HTRA1: variants seen among roughly 807,000 people sequenced by gnomAD.
HTRA1 encodes HtrA serine peptidase 1, also known as serine protease HTRA1.
Under a neutral mutation model 49.7 loss-of-function variants are expected in HTRA1, and 26 were observed. The observed-to-expected ratio is 0.52, with a 90% CI of 0.38 to 0.73. The LOEUF (loss-of-function observed/expected upper bound fraction) is 0.73. Ranked by LOEUF, HTRA1 falls within the 30% of genes least tolerant of loss-of-function variation. The pLI, the probability that HTRA1 is intolerant of heterozygous loss-of-function variation, is 0.00. For missense variants in HTRA1, 561 were observed against 667.2 expected (o/e 0.84, Z 1.75); for synonymous variants, 291 against 286.9 (o/e 1.01, Z -0.14).
chr10:122,461,895 C>G lies in HTRA1; in HGVS notation c.243C>G (p.Gly81=). ...PEGAACGLQE[G]PCGEGLQCVV... ...GCGCCGCGTGCGGCCTGCAGGAGGG[C>G]CCGTGCGGCGAGGGGCTGCAGTGCG... The change falls in exon 1 of 9, where the codon GGC becomes GGG. Residue 81 remains glycine, a synonymous_variant. Transcript: ENST00000368984. The G allele has an allele frequency of 7.3e-7, 1 of 1,378,872 alleles. No individual in the cohort carries two copies. The highest frequency in any genetic ancestry group is 9.3e-7 in the Non-Finnish European group (1 of 1,070,846). The allele number at this position is 1,378,872 out of a possible 1,614,324, so 85.4% of individuals were successfully genotyped here. A position where few individuals can be genotyped will look rare whatever the true frequency, so the allele number is the denominator to read the frequency against.
intron 1 of HTRA1, among the ~76,000 whole-genome samples, chr10:122,482,941 A>AT: frequency 7.2e-6 from 1 of 139,592 alleles, no homozygotes; most frequent in Admixed American, 7.3e-5. Context: ...AAAAAAAAAA[A>AT]GCACATATTC....
At chr10:122,507,058 C>T (rs896507288) in intron 4 of HTRA1, among the ~76,000 whole-genome samples, 173 bp downstream of exon 4, 9 of 152,096 alleles carry the variant, frequency 5.9e-5, no homozygotes, top group African/African-American at 1.2e-4. Context: ...ATGGCGGGGA[C>T]GGTGACACCG....
chr10:122,490,358 T>G lies in HTRA1; in HGVS notation c.777+732T>G, dbSNP rs575427646. ...GTTTGGGAAATGCTGTATTTGAAAA[T>G]GCTTTCTATTTAAATATTCTCTTTG... On this transcript the variant is annotated intron_variant, in intron 3 of 8. Coordinates refer to ENST00000368984, the MANE Select transcript of HTRA1 (RefSeq NM_002775.5). This position sits in a 1 kb window ranked among gnomAD's most constrained non-coding sequence, Gnocchi z 4.2. 3.3e-5 allele frequency among the ~76,000 whole-genome samples: 5 copies of G among 152,210 alleles called. No individual in the cohort carries two copies. Among genetic ancestry groups the G allele is most frequent in the Non-Finnish European group, 7.3e-5 (5 of 68,038 alleles).
chr10:122,462,244 C>G (rs2097481802), intron 1 of HTRA1, 120 bp downstream of exon 1: 1 of 882,740 alleles, frequency 1.1e-6, no homozygotes, highest in Non-Finnish European at 1.7e-6. Context: ...CAGGGCAACT[C>G]TCGGGGACAG....
chr10:122,474,207 G>A (rs1271233494), intron 1 of HTRA1, among the ~76,000 whole-genome samples: 2 of 152,194 alleles, frequency 1.3e-5, no homozygotes, highest in Non-Finnish European at 2.9e-5. Flanking sequence ...AAGGATGTCG[G>A]AAACCGTCTA....
intron 3 of HTRA1, among the ~76,000 whole-genome samples, chr10:122,504,293 A>G (rs2097502132): frequency 1.3e-5 from 2 of 152,352 alleles, no homozygotes; most frequent in South Asian, 2.1e-4. Context: ...GTTGCCTTTC[A>G]GTCTCTCTGC....
At chr10:122,474,955 A>T (rs2097487770) in intron 1 of HTRA1, among the ~76,000 whole-genome samples, 1 of 152,212 alleles carries the variant, frequency 6.6e-6, no homozygotes. Flanking sequence ...CATAGACAAC[A>T]TAAACAACAA....
At chr10:122,471,072 C>G (rs887810928) in intron 1 of HTRA1, among the ~76,000 whole-genome samples, 4 of 152,174 alleles carry the variant, frequency 2.6e-5, no homozygotes, top group Admixed American at 1.3e-4. Flanking sequence ...GGAGAGCACA[C>G]GCTCCTCCTG....
At chr10:122,482,076 TC>T (rs1466162055) in intron 1 of HTRA1, among the ~76,000 whole-genome samples, 13 of 152,136 alleles carry the variant, frequency 8.5e-5, no homozygotes, top group African/African-American at 3.1e-4. Context: ...ACCCAACAGT[TC>T]CATTTATCAA....
chr10:122,493,343 G>A (rs894057918), intron 3 of HTRA1, among the ~76,000 whole-genome samples: 6 of 152,198 alleles, frequency 3.9e-5, no homozygotes, highest in Non-Finnish European at 8.8e-5. Flanking sequence ...GCAGAAAGTC[G>A]GGACAGTGTG....
intron 1 of HTRA1, among the ~76,000 whole-genome samples, chr10:122,474,846 G>A (rs1241893551): frequency 1.3e-5 from 2 of 152,218 alleles, no homozygotes; most frequent in Admixed American, 6.5e-5. Context: ...TAACAGCACC[G>A]ATCAAACCCA....
intron 3 of HTRA1, among the ~76,000 whole-genome samples, chr10:122,492,271 C>T (rs543889724): frequency 6.6e-6 from 1 of 152,288 alleles, no homozygotes; most frequent in East Asian, 1.9e-4. Context: ...GGGCCCAGCT[C>T]CTCCCCTGGC....
intron 3 of HTRA1, among the ~76,000 whole-genome samples, chr10:122,500,439 G>A (rs572875365): frequency 6.6e-6 from 1 of 152,204 alleles, no homozygotes; most frequent in African/African-American, 2.4e-5. Context: ...GACCATTGGA[G>A]ATCACTGGGC....
intron 1 of HTRA1, among the ~76,000 whole-genome samples, chr10:122,479,521 C>T (rs563371745): frequency 2.6e-5 from 4 of 152,230 alleles, no homozygotes; most frequent in Non-Finnish European, 5.9e-5. Flanking sequence ...AGTAGATGCT[C>T]TACAATAAAT....
At chr10:122,509,614 C>T (rs552196208) in intron 6 of HTRA1, among the ~76,000 whole-genome samples, 467 of 152,272 alleles carry the variant, frequency 3.1e-3, no homozygotes, top group Non-Finnish European at 3.4e-3. Context: ...TGCATCCTAA[C>T]GACATTTAAG....
At chr10:122,505,743 T>C (rs941184075) in intron 3 of HTRA1, among the ~76,000 whole-genome samples, 1 of 152,196 alleles carries the variant, frequency 6.6e-6, no homozygotes, top group Non-Finnish European at 1.5e-5. Flanking sequence ...CTGGGCCTGG[T>C]CCATGTTGTT....
chr10:122,472,932 A>G (rs1206776128), intron 1 of HTRA1, among the ~76,000 whole-genome samples: 1 of 152,186 alleles, frequency 6.6e-6, no homozygotes, highest in East Asian at 1.9e-4. Context: ...ATTTTCCAGA[A>G]GGGTTGTAGC....
chr10:122,507,065 A>G (rs2097503367), intron 4 of HTRA1, among the ~76,000 whole-genome samples, 180 bp downstream of exon 4: 1 of 152,178 alleles, frequency 6.6e-6, no homozygotes, highest in East Asian at 1.9e-4. Flanking sequence ...GGACGGTGAC[A>G]CCGGAGCAGG....
At chr10:122,491,786 C>T (rs1412592766) in intron 3 of HTRA1, among the ~76,000 whole-genome samples, 1 of 152,138 alleles carries the variant, frequency 6.6e-6, no homozygotes, top group African/African-American at 2.4e-5. Flanking sequence ...TTTCAAGCCC[C>T]CCAAGAAAGG....
Sources: gnomAD v4.1 joint callset for allele counts (sites outside exome capture counted in the v4.1 genomes callset) on GRCh38, gnomAD v4.1.1 for gene constraint, Gnocchi (gnomAD v3.1) non-coding constraint, MANE v1.5 for transcripts, NCBI Gene and HGNC (gene_info 2026-07-23, HGNC 2026-07-21) for gene names.